The following ZFPM2 variants were observed in gnomAD, a reference collection of about 807,000 sequenced individuals.
ZFPM2 encodes zinc finger protein ZFPM2.
In ZFPM2, 20 loss-of-function variants were observed where a neutral mutation model predicts 98.6. The ratio of observed to expected loss-of-function variants is 0.20; its 90% CI spans 0.14 to 0.29. ZFPM2 has a LOEUF of 0.29. ZFPM2 is among the 10% of genes least tolerant of loss of function. The probability of loss-of-function intolerance (pLI) is 1.00; values close to 1 mark genes in which losing one functional copy is unlikely to be tolerated. For missense variants in ZFPM2, 1,310 were observed against 1,388.6 expected (o/e 0.94, Z 0.90); for synonymous variants, 518 against 502.7 (o/e 1.03, Z -0.41).
intron 5 of ZFPM2, among the ~76,000 whole-genome samples, chr8:105,712,764 G>A (rs1334490244): frequency 2.0e-5 from 3 of 152,020 alleles, no homozygotes; most frequent in South Asian, 2.1e-4. Flanking sequence ...ATGTCCAAGT[G>A]TATTCAGGGT....
chr8:105,670,320 C>A (rs2130902857), intron 5 of ZFPM2, among the ~76,000 whole-genome samples: 1 of 151,968 alleles, frequency 6.6e-6, no homozygotes, highest in South Asian at 2.1e-4. Flanking sequence ...CACGGTGAAA[C>A]CCCATCTCTA....
At chr8:105,396,165 A>C (rs568565415) in intron 1 of ZFPM2, among the ~76,000 whole-genome samples, 35 of 152,308 alleles carry the variant, frequency 2.3e-4, no homozygotes, top group African/African-American at 7.9e-4. Context: ...AAGCTTGTCC[A>C]TGATAGGAAA....
rs756372694 is a variant in ZFPM2, at chr8:105,457,639, A to G, written c.301+13258A>G. On this transcript the variant is annotated intron_variant, in intron 3 of 7. Transcript: ENST00000407775. The stretch of plus-strand genomic sequence containing the variant: ...GGTCAAGCAATCCCAAGGGAGTGGT[A>G]AATTCACATTGGACCCACTTTAAGT... 2.6e-4 allele frequency among the ~76,000 whole-genome samples: 40 copies of G among 152,346 alleles called. 1 individual carries two copies. Among genetic ancestry groups the G allele is most frequent in the Non-Finnish European group, 3.7e-4 (25 of 68,030 alleles).
intron 3 of ZFPM2, among the ~76,000 whole-genome samples, chr8:105,548,288 AAG>A (rs2130650388): frequency 6.6e-6 from 1 of 152,244 alleles, no homozygotes; most frequent in African/African-American, 2.4e-5. Flanking sequence ...ATTATCAAAA[AAG>A]AGCAAAGTAA....
chr8:105,788,995 G>A lies in ZFPM2; in HGVS notation c.739+71G>A, dbSNP rs982239769. 9.4e-5 allele frequency: 124 copies of A among 1,313,364 alleles called. 1 individual carries two copies. Among genetic ancestry groups the A allele is most frequent in the Admixed American group, 1.2e-4 (5 of 42,322 alleles). The allele number at this position is 1,313,364 out of a possible 1,614,324, so 81.4% of individuals were successfully genotyped here. Reference sequence around the variant, plus strand: ...TTTATGGGAGAAAAAAATGTCTACTGACAAGAAACCAGGAACAGACCTTTT... The same window carrying A: ...TTTATGGGAGAAAAAAATGTCTACTAACAAGAAACCAGGAACAGACCTTTT... On this transcript the variant is annotated intron_variant, in intron 6 of 7. Transcript: ENST00000407775.
At chr8:105,520,234 C>CA (rs112472681) in intron 3 of ZFPM2, among the ~76,000 whole-genome samples, 60,460 of 151,614 alleles carry the variant, frequency 0.4, 14,805 homozygotes, top group African/African-American at 0.7. Flanking sequence ...ATCTTAATAC[C>CA]AAAAAAAGTG....
intron 1 of ZFPM2, among the ~76,000 whole-genome samples, chr8:105,379,337 C>G (rs1283450120): frequency 1.3e-5 from 2 of 152,090 alleles, no homozygotes; most frequent in Non-Finnish European, 2.9e-5. Context: ...AAAACTTCAT[C>G]AATAATTGGA....
Position 105,318,648 on chromosome 8 carries a change from C to A in ZFPM2, c.-294C>A. The A allele has an allele frequency of 6.6e-6, 1 of 151,626 alleles. No individual in the cohort carries two copies. Among genetic ancestry groups the A allele is most frequent in the South Asian group, 2.1e-4 (1 of 4,876 alleles). 9.4% of individuals were successfully genotyped at this position (151,626 alleles called of 1,614,324 possible). On this transcript the variant is annotated 5_prime_UTR_variant, in exon 1 of 8. It adds an upstream start codon to the 5' untranslated region. Coordinates refer to ENST00000407775, the MANE Select transcript of ZFPM2 (RefSeq NM_012082.4). ...CTTCTCTTTCCCCTTTTCTCTCTCC[C>A]TGACCGTTCGCTTGTACATTCCCAT...
intron 2 of ZFPM2, among the ~76,000 whole-genome samples, chr8:105,437,329 A>G (rs1812140730): frequency 6.6e-6 from 1 of 152,206 alleles, no homozygotes; most frequent in South Asian, 2.1e-4. Flanking sequence ...AAATCATTCA[A>G]TGAATCTAGG....
In ZFPM2 at chr8:105,788,929, G is replaced by GTAT. The variant is rs1813506210; in HGVS notation, c.739+6_739+7insATT. ...TGCCCACAGCTATTGTCAATAGTAA[G>GTAT]TGCTCAGTGCTGTGTAGCCCAGCTT... On this transcript the variant is annotated splice_donor_region_variant and intron_variant, in intron 6 of 7. Transcript: ENST00000407775. 1.2e-6 allele frequency: 2 copies of GTAT among 1,611,578 alleles called. No homozygotes were observed. The highest frequency in any genetic ancestry group is 1.7e-6 in the Non-Finnish European group (2 of 1,178,266).
chr8:105,771,742 G>A (rs555200442), intron 5 of ZFPM2, among the ~76,000 whole-genome samples: 5 of 152,174 alleles, frequency 3.3e-5, no homozygotes, highest in African/African-American at 1.2e-4. Context: ...AACTGTGAAG[G>A]GCCGACCTTG....
intron 5 of ZFPM2, among the ~76,000 whole-genome samples, chr8:105,655,116 G>A (rs1817257091): frequency 6.6e-6 from 1 of 150,814 alleles, no homozygotes; most frequent in African/African-American, 2.4e-5. Context: ...TGTTGAGTTA[G>A]TTTATTACAC....
At chr8:105,791,085 CT>C (rs1268965554) in intron 6 of ZFPM2, among the ~76,000 whole-genome samples, 1 of 152,094 alleles carries the variant, frequency 6.6e-6, no homozygotes, top group African/African-American at 2.4e-5. Flanking sequence ...TCTTTATTTC[CT>C]TCTCCTGCCT....
intron 5 of ZFPM2, among the ~76,000 whole-genome samples, chr8:105,760,597 A>T (rs1237426814): frequency 6.6e-6 from 1 of 152,112 alleles, no homozygotes; most frequent in Non-Finnish European, 1.5e-5. Context: ...AGACCAAGGC[A>T]AGGATGTGTG....
chr8:105,445,085 C>T (rs896646507), intron 3 of ZFPM2, among the ~76,000 whole-genome samples: 13 of 152,172 alleles, frequency 8.5e-5, no homozygotes, highest in African/African-American at 2.9e-4. Flanking sequence ...TAAGTGAGTT[C>T]TGAGATAGTT....
intron 5 of ZFPM2, among the ~76,000 whole-genome samples, chr8:105,756,695 G>A (rs141112303): frequency 6.6e-6 from 1 of 152,262 alleles, no homozygotes; most frequent in East Asian, 1.9e-4. Context: ...GACGGGAGAG[G>A]GGGAAAATGC....
intron 5 of ZFPM2, among the ~76,000 whole-genome samples, chr8:105,683,649 C>T (rs1036818594): frequency 9.2e-5 from 14 of 152,080 alleles, no homozygotes; most frequent in African/African-American, 3.4e-4. Context: ...ACCAAAATTA[C>T]CAAAACTACC....
chr8:105,531,422 G>T (rs772051288), intron 3 of ZFPM2, among the ~76,000 whole-genome samples: 18 of 151,980 alleles, frequency 1.2e-4, no homozygotes, highest in Non-Finnish European at 2.5e-4. Flanking sequence ...CAATTTTTGC[G>T]CTCATTATCA....
At chr8:105,463,291 G>A (rs1224382758) in intron 3 of ZFPM2, among the ~76,000 whole-genome samples, 2 of 151,386 alleles carry the variant, frequency 1.3e-5, no homozygotes, top group Admixed American at 6.6e-5. Context: ...ATATATGTGT[G>A]TGTGTATATA....
Sources: gnomAD v4.1 joint callset for allele counts (sites outside exome capture counted in the v4.1 genomes callset) on GRCh38, gnomAD v4.1.1 for gene constraint, MANE v1.5 for transcripts, NCBI Gene and HGNC (gene_info 2026-07-23, HGNC 2026-07-21) for gene names.